The following SLC7A1 variants were observed in gnomAD, a reference collection of about 807,000 sequenced individuals.
SLC7A1 encodes the protein solute carrier family 7 member 1.
Under a neutral mutation model 53.9 loss-of-function variants are expected in SLC7A1, and 10 were observed. The observed-to-expected ratio is 0.19, with a 90% CI of 0.11 to 0.31. The LOEUF (loss-of-function observed/expected upper bound fraction) is 0.31. Ranked by LOEUF, SLC7A1 falls within the 10% of genes least tolerant of loss-of-function variation. The pLI is 1.00. For synonymous variants in SLC7A1, 342 were observed against 338.7 expected, an observed-to-expected ratio of 1.01 and a Z score of -0.11; for missense variants, 525 against 827.2, an observed-to-expected ratio of 0.63 and a Z score of 4.48.
chr13:29,570,782 A>C (rs1871159241), intron 1 of SLC7A1, among the ~76,000 whole-genome samples: 2 of 151,690 alleles, frequency 1.3e-5, no homozygotes, highest in African/African-American at 4.8e-5. Context: ...ACTTGAGCCT[A>C]GGGAGGTAGA....
intron 1 of SLC7A1, among the ~76,000 whole-genome samples, chr13:29,563,738 C>T (rs1353172382): frequency 6.6e-6 from 1 of 152,154 alleles, no homozygotes; most frequent in Non-Finnish European, 1.5e-5. Context: ...CATGGGTCTC[C>T]CAGCACATGC....
Position 29,535,924 on chromosome 13 carries a change from C to T in SLC7A1, c.265G>A (p.Ala89Thr). 6.2e-7 allele frequency: 1 copy of T among 1,614,172 alleles called. No individual in the cohort carries two copies. The highest frequency in any genetic ancestry group is 8.5e-7 in the Non-Finnish European group (1 of 1,180,038). Residue 89 changes from alanine (A) to threonine (T), a missense_variant, in exon 3 of 13, where the codon GCT becomes ACT. Physicochemically the swap from Ala to Thr is moderately conservative, Grantham distance 58 (BLOSUM62 0). Coordinates refer to ENST00000380752, the MANE Select transcript of SLC7A1 (RefSeq NM_003045.5). ...GCTGAGCCCGTCTTGGGGACCCGAG[C>T]ACCAAACTCGCCATAGCACAGGCCA... is the stretch of plus-strand genomic sequence containing the variant. ...LAGLCYGEFG[A>T]RVPKTGSAYL...
At chr13:29,515,404 G>A (rs1883523587) in intron 12 of SLC7A1, among the ~76,000 whole-genome samples, 1 of 152,246 alleles carries the variant, frequency 6.6e-6, no homozygotes, top group Admixed American at 6.5e-5. Flanking sequence ...CCGGCTGCCA[G>A]CAGACAGTGG....
intron 12 of SLC7A1, among the ~76,000 whole-genome samples, chr13:29,515,407 GAC>G (rs1883523797): frequency 6.6e-6 from 1 of 152,250 alleles, no homozygotes; most frequent in East Asian, 1.9e-4. Context: ...GCTGCCAGCA[GAC>G]AGTGGGCCGC....
chr13:29,541,235 G>A (rs888945280), intron 2 of SLC7A1, among the ~76,000 whole-genome samples: 2 of 152,132 alleles, frequency 1.3e-5, no homozygotes, highest in African/African-American at 4.8e-5. Flanking sequence ...TGGGACTAGC[G>A]GACACTAAGG....
At position 29,517,758 on chromosome 13, in the gene SLC7A1, T is replaced by G. The variant is rs1868420304; in HGVS notation, c.1325A>C (p.Gln442Pro). The G allele has an allele frequency of 6.2e-7, 1 of 1,614,086 alleles. No individual in the cohort carries two copies. Among genetic ancestry groups the G allele is most frequent in the African/African-American group, 1.3e-5 (1 of 74,930 alleles). The change falls in exon 10 of 13, where the codon CAG becomes CCG. Residue 442 changes from glutamine to proline, a missense_variant. This residue lies in a region of SLC7A1 where 122 missense variants were observed against 140.9 expected (regional missense o/e 0.87). Coordinates refer to ENST00000380752, the MANE Select transcript of SLC7A1 (RefSeq NM_003045.5). ...TAACTCGTCGGAAGTACTGGCCATCTGGTATACCAGGTTAGGCTGCTCTGG... is the reference window on the plus strand; with the variant it reads ...TAACTCGTCGGAAGTACTGGCCATCGGGTATACCAGGTTAGGCTGCTCTGG... ...YQPEQPNLVY[Q>P]MASTSDELDP...
intron 1 of SLC7A1, among the ~76,000 whole-genome samples, chr13:29,567,363 A>C (rs1169000896): frequency 6.6e-6 from 1 of 152,196 alleles, no homozygotes; most frequent in Non-Finnish European, 1.5e-5. Context: ...TACATAGGTA[A>C]GCAGAAGAGT....
chr13:29,566,696 T>C (rs2669038), intron 1 of SLC7A1, among the ~76,000 whole-genome samples: 14,791 of 152,194 alleles, frequency 0.097, 808 homozygotes, highest in Middle Eastern at 0.16. Flanking sequence ...GGCTGCATAA[T>C]CCTGTGAATT....
At chr13:29,517,924 T>C in intron 9 of SLC7A1, 134 bp from the exon 10 acceptor site, 2 of 688,604 alleles carry the variant, frequency 2.9e-6, no homozygotes, top group Non-Finnish European at 5.1e-6. Context: ...TATAGTCAAA[T>C]GCTGCATTGT....
At chr13:29,540,949 G>GTCAA (rs1488591425) in intron 2 of SLC7A1, among the ~76,000 whole-genome samples, 1 of 152,226 alleles carries the variant, frequency 6.6e-6, no homozygotes, top group African/African-American at 2.4e-5. Context: ...AGAGTGGCTG[G>GTCAA]TCAACCTCAT....
At chr13:29,519,645 G>T in intron 8 of SLC7A1, 96 bp from the exon 9 acceptor site, 1 of 716,322 alleles carries the variant, frequency 1.4e-6, no homozygotes, top group Non-Finnish European at 2.4e-6. Context: ...GCAGCGAAGG[G>T]GGCTGCTTTT....
chr13:29,525,411 C>T (rs777344984), intron 5 of SLC7A1, among the ~76,000 whole-genome samples: 1 of 152,164 alleles, frequency 6.6e-6, no homozygotes, highest in Non-Finnish European at 1.5e-5. Flanking sequence ...GACAACCTGC[C>T]CTAAACCTTG....
intron 1 of SLC7A1, among the ~76,000 whole-genome samples, chr13:29,563,320 C>T (rs1215016009): frequency 1.3e-5 from 2 of 152,224 alleles, no homozygotes; most frequent in Non-Finnish European, 2.9e-5. Flanking sequence ...CCTGCCTTAC[C>T]GTGTGCAACG....
intron 1 of SLC7A1, among the ~76,000 whole-genome samples, chr13:29,560,135 TTG>T (rs1281210785): frequency 6.6e-6 from 1 of 151,142 alleles, no homozygotes; most frequent in African/African-American, 2.5e-5. Flanking sequence ...TTGAATTTTT[TTG>T]TTTTTTTTTA....
intron 1 of SLC7A1, among the ~76,000 whole-genome samples, chr13:29,557,792 A>G (rs1330727286): frequency 8.2e-5 from 5 of 61,204 alleles, no homozygotes; most frequent in Admixed American, 3.6e-4. Flanking sequence ...GTGAATGTGA[A>G]TGAGGGGGAA....
chr13:29,552,893 C>T (rs77484812), intron 2 of SLC7A1, among the ~76,000 whole-genome samples: 1,587 of 151,998 alleles, frequency 0.01, 24 homozygotes, highest in African/African-American at 0.037. Flanking sequence ...TTAGGGTCTC[C>T]GACCAAGCTG....
At chr13:29,530,769 G>A (rs1323382902) in intron 4 of SLC7A1, 57 bp from the exon 5 acceptor site, 3 of 1,473,912 alleles carry the variant, frequency 2.0e-6, no homozygotes, top group African/African-American at 1.4e-5. Context: ...AACTGGGAAG[G>A]TCCTTCCTGG....
rs114789415 is a variant in SLC7A1, at chr13:29,540,563, G to A, written c.-14-4361C>T. Among the ~76,000 whole-genome samples, 597 of 152,268 alleles carry A rather than the reference G, an allele frequency of 3.9e-3. 5 individuals carry two copies. Among genetic ancestry groups the A allele is most frequent in the African/African-American group, 0.013 (560 of 41,546 alleles). On this transcript the variant is annotated intron_variant, in intron 2 of 12. Transcript: ENST00000380752. ...GTGACGTTTTCACCTTGAATTTAAC[G>A]GATCATTCCACCACTGATACATTCC... is the stretch of plus-strand genomic sequence containing the variant.
intron 4 of SLC7A1, 53 bp downstream of exon 4, chr13:29,532,771 C>T (rs920632851): frequency 1.3e-6 from 2 of 1,507,776 alleles, no homozygotes; most frequent in Non-Finnish European, 1.8e-6. Flanking sequence ...GAGCCTCTCA[C>T]CAAACCTTTG....
Sources: allele counts gnomAD v4.1 joint callset (sites outside exome capture counted in the v4.1 genomes callset), GRCh38; gene constraint gnomAD v4.1.1; regional missense constraint gnomAD v4.1.1; transcripts MANE v1.5; gene names NCBI Gene and HGNC (gene_info 2026-07-23, HGNC 2026-07-21).